Variants in SLC4A10 observed in about 807,000 individuals in gnomAD.
SLC4A10 encodes solute carrier family 4 member 10, also known as sodium-driven chloride bicarbonate exchanger.
Under a neutral mutation model 137.7 loss-of-function variants are expected in SLC4A10, and 42 were observed. The observed-to-expected ratio is 0.30, with a 90% confidence interval of 0.24 to 0.39. The LOEUF (loss-of-function observed/expected upper bound fraction) is 0.39, where lower values mean the gene tolerates loss of function less well. SLC4A10 is among the 10% of genes least tolerant of loss of function. The pLI is 1.00. For missense variants in SLC4A10, 925 were observed against 1,355.0 expected (o/e 0.68, Z 4.98); for synonymous variants, 474 against 464.1 (o/e 1.02, Z -0.27).
At chr2:161,847,158 A>T (rs1019427609) in intron 4 of SLC4A10, among the ~76,000 whole-genome samples, 1 of 151,744 alleles carries the variant, frequency 6.6e-6, no homozygotes, top group African/African-American at 2.4e-5. Flanking sequence ...TGGAAGGATC[A>T]TCTGAACCCA....
chr2:161,894,871 C>A (rs1269771980), intron 11 of SLC4A10, 46 bp downstream of exon 11: 1 of 1,157,874 alleles, frequency 8.6e-7, no homozygotes, highest in Non-Finnish European at 1.1e-6. Context: ...TTTTTTTTGT[C>A]TTTTAAATGC....
intron 15 of SLC4A10, among the ~76,000 whole-genome samples, chr2:161,906,537 A>G (rs911013518): frequency 2.0e-5 from 3 of 152,214 alleles, no homozygotes; most frequent in Non-Finnish European, 2.9e-5. Context: ...TCTGCAGACT[A>G]TATGTGGCCA....
At chr2:161,700,965 T>C (rs1468644207) in intron 1 of SLC4A10, among the ~76,000 whole-genome samples, 1 of 152,102 alleles carries the variant, frequency 6.6e-6, no homozygotes, top group Non-Finnish European at 1.5e-5. Flanking sequence ...AACAAGTTAA[T>C]CTTTTTTAGA....
At chr2:161,977,624 A>C in intron 25 of SLC4A10, 98 bp from the exon 26 acceptor site, 2 of 971,030 alleles carry the variant, frequency 2.1e-6, no homozygotes, top group South Asian at 1.7e-5. Context: ...GATTGAGGGA[A>C]TTGGGACAGT....
At chr2:161,738,995 C>G (rs1316465004) in intron 1 of SLC4A10, among the ~76,000 whole-genome samples, 1 of 152,130 alleles carries the variant, frequency 6.6e-6, no homozygotes, top group East Asian at 1.9e-4. Flanking sequence ...TCTATCAGGC[C>G]CTCAGGAATT....
At chr2:161,644,475 C>A (rs2035748213) in intron 1 of SLC4A10, among the ~76,000 whole-genome samples, 1 of 99,386 alleles carries the variant, frequency 1.0e-5, no homozygotes, top group Admixed American at 1.3e-4. Context: ...CAGAGTGAGA[C>A]CCTGCCTCAA....
chr2:161,652,476 CAT>C (rs1179919811), intron 1 of SLC4A10, among the ~76,000 whole-genome samples: 1 of 152,156 alleles, frequency 6.6e-6, no homozygotes, highest in Non-Finnish European at 1.5e-5. Flanking sequence ...GAAGTAATAA[CAT>C]ATACAAATAT....
At chr2:161,710,216 T>C (rs2044129788) in intron 1 of SLC4A10, among the ~76,000 whole-genome samples, 2 of 151,746 alleles carry the variant, frequency 1.3e-5, no homozygotes, top group African/African-American at 4.8e-5. Flanking sequence ...TTTGAAATGA[T>C]TTGAATATAC....
intron 15 of SLC4A10, among the ~76,000 whole-genome samples, chr2:161,934,522 T>A (rs1037327541): frequency 6.6e-6 from 1 of 152,228 alleles, no homozygotes; most frequent in Non-Finnish European, 1.5e-5. Flanking sequence ...GGCTGAATAG[T>A]ATTTCATCAT....
intron 8 of SLC4A10, among the ~76,000 whole-genome samples, chr2:161,876,006 T>C (rs1367234706): frequency 6.6e-6 from 1 of 152,204 alleles, no homozygotes; most frequent in Non-Finnish European, 1.5e-5. Flanking sequence ...GCCCAGACAC[T>C]TCCAATTTCA....
intron 15 of SLC4A10, among the ~76,000 whole-genome samples, chr2:161,923,407 A>G (rs1245664382): frequency 6.6e-6 from 1 of 152,146 alleles, no homozygotes; most frequent in Non-Finnish European, 1.5e-5. Context: ...TGTGATAGTA[A>G]CAATAATAAA....
chr2:161,642,310 C>T (rs1206642179), intron 1 of SLC4A10, among the ~76,000 whole-genome samples: 8 of 151,972 alleles, frequency 5.3e-5, no homozygotes, highest in Non-Finnish European at 1.5e-5. Flanking sequence ...GCATTAGAAT[C>T]AGCTTTTCTT....
chr2:161,704,592 G>A (rs563286929), intron 1 of SLC4A10, among the ~76,000 whole-genome samples: 2 of 151,632 alleles, frequency 1.3e-5, no homozygotes, highest in East Asian at 3.9e-4. Flanking sequence ...CATATTGGGA[G>A]CCATCTTTAA....
chr2:161,952,894 T>C (rs958694889), intron 19 of SLC4A10, among the ~76,000 whole-genome samples: 1 of 152,230 alleles, frequency 6.6e-6, no homozygotes, highest in African/African-American at 2.4e-5. Flanking sequence ...GTTTGTTCCA[T>C]AGTCCTTCTC....
At chr2:161,748,399 T>G (rs1213851042) in intron 1 of SLC4A10, among the ~76,000 whole-genome samples, 1 of 151,986 alleles carries the variant, frequency 6.6e-6, no homozygotes, top group Non-Finnish European at 1.5e-5. Context: ...GTTTTGCAAT[T>G]TTAAATCTTA....
intron 9 of SLC4A10, among the ~76,000 whole-genome samples, chr2:161,881,101 G>T (rs941685603): frequency 2.0e-5 from 3 of 152,048 alleles, no homozygotes; most frequent in Non-Finnish European, 4.4e-5. Context: ...TGGAAGATTA[G>T]TTGGACAAAC....
chr2:161,895,982 C>T (rs1321356440), intron 11 of SLC4A10, among the ~76,000 whole-genome samples: 4 of 150,840 alleles, frequency 2.7e-5, no homozygotes, highest in Non-Finnish European at 6.0e-5. Flanking sequence ...ACATGAAGTC[C>T]TTGCCCATGC....
chr2:161,650,130 T>G (rs1397049053), intron 1 of SLC4A10, among the ~76,000 whole-genome samples: 3 of 152,236 alleles, frequency 2.0e-5, no homozygotes, highest in African/African-American at 7.2e-5. Context: ...TCATATCTCC[T>G]TAGTCTTCTC....
intron 6 of SLC4A10, among the ~76,000 whole-genome samples, chr2:161,866,992 AT>A (rs141804197): frequency 0.016 from 2,452 of 151,824 alleles, 67 homozygotes; most frequent in African/African-American, 0.056. Context: ...GTCTCTCCTA[AT>A]CTGAATACTT....
Sources: gnomAD v4.1 joint callset for allele counts (sites outside exome capture counted in the v4.1 genomes callset) on GRCh38, gnomAD v4.1.1 for gene constraint, MANE v1.5 for transcripts, NCBI Gene and HGNC (gene_info 2026-07-23, HGNC 2026-07-21) for gene names.